Variants in IL34 observed in about 807,000 individuals in gnomAD.
The protein encoded by IL34 is interleukin-34.
A neutral mutation model predicts 25.3 loss-of-function variants in IL34; 17 were observed. The observed-to-expected ratio is 0.67, with a 90% CI of 0.46 to 1.01. IL34 has a LOEUF of 1.01. Among genes scored for constraint, IL34 ranks in the 50% least tolerant of loss-of-function variants. IL34 has a pLI of 0.00. For synonymous variants in IL34, 174 were observed against 140.9 expected, an observed-to-expected ratio of 1.23 and a Z score of -1.66; for missense variants, 368 against 312.9, an observed-to-expected ratio of 1.18 and a Z score of -1.33.
rs183907266 is a variant in IL34, at chr16:70,615,007, C to T, written c.-400-31541C>T. ...TTTCTTCCTGCTCCTGTCCCATAACCGGCCTCACCGGGTAACTGTTTATAT... is the reference window on the plus strand; with the variant it reads ...TTTCTTCCTGCTCCTGTCCCATAACTGGCCTCACCGGGTAACTGTTTATAT... On this transcript the variant is annotated intron_variant, in intron 1 of 6. Coordinates refer to the IL34 transcript ENST00000429149. Among the ~76,000 whole-genome samples the T allele has an allele frequency of 1.7e-3, 265 of 152,248 alleles. 1 individual carries two copies. The highest frequency in any genetic ancestry group is 0.014 in the South Asian group (68 of 4,814).
chr16:70,620,225 G>A (rs889259073), intron 1 of IL34, among the ~76,000 whole-genome samples: 1 of 152,058 alleles, frequency 6.6e-6, no homozygotes, highest in African/African-American at 2.4e-5. Context: ...GCTGTAAAGC[G>A]TCTCAAGGTT....
At chr16:70,613,645 G>T (rs982394386) in intron 1 of IL34, among the ~76,000 whole-genome samples, 11 of 151,682 alleles carry the variant, frequency 7.3e-5, no homozygotes, top group African/African-American at 2.4e-4. Flanking sequence ...AGGCTGCGGT[G>T]GGTGGATCAC....
chr16:70,632,830 G>A (rs181458423), intron 1 of IL34, among the ~76,000 whole-genome samples: 17 of 152,130 alleles, frequency 1.1e-4, no homozygotes, highest in Admixed American at 9.2e-4. Flanking sequence ...TTCTTTTGGG[G>A]GTTTTGTCTT....
intron 1 of IL34, among the ~76,000 whole-genome samples, chr16:70,580,703 A>C (rs143951678): frequency 0.032 from 4,778 of 150,712 alleles, 283 homozygotes; most frequent in African/African-American, 0.11. Flanking sequence ...CACACTTGAA[A>C]CCAGGAGGTG....
intron 1 of IL34, among the ~76,000 whole-genome samples, chr16:70,598,047 T>C (rs1368137268): frequency 3.9e-5 from 6 of 152,194 alleles, no homozygotes; most frequent in South Asian, 2.1e-4. Context: ...GGTTTCGCCA[T>C]GTTGGCCAGG....
At chr16:70,649,152 A>T (rs573643070) in intron 1 of IL34, among the ~76,000 whole-genome samples, 1 of 152,346 alleles carries the variant, frequency 6.6e-6, no homozygotes, top group Non-Finnish European at 1.5e-5. Context: ...TCCCTAGGAG[A>T]GAATTCAAGG....
chr16:70,648,577 G>T (rs1488644350), intron 1 of IL34, among the ~76,000 whole-genome samples: 2 of 118,696 alleles, frequency 1.7e-5, no homozygotes, highest in Admixed American at 8.4e-5. Flanking sequence ...AAAAAAAAAG[G>T]AGAAAAGAAA....
At chr16:70,623,143 G>A (rs1038168723) in intron 1 of IL34, among the ~76,000 whole-genome samples, 12 of 152,030 alleles carry the variant, frequency 7.9e-5, no homozygotes, top group African/African-American at 2.7e-4. Flanking sequence ...GAAGTAATGG[G>A]GGCTGTCTGT....
rs571695875 is a variant in IL34, at chr16:70,626,214, T to C, written c.-400-20334T>C. ...TAGTGAGATCAGTCTTTTGTGCCTTTGATATAAATTGCATTCAGTTTAGTG... is the reference window on the plus strand; with the variant it reads ...TAGTGAGATCAGTCTTTTGTGCCTTCGATATAAATTGCATTCAGTTTAGTG... On this transcript the variant is annotated intron_variant, in intron 1 of 6. Coordinates refer to the IL34 transcript ENST00000429149. 3.0e-3 allele frequency among the ~76,000 whole-genome samples: 451 copies of C among 152,358 alleles called. 1 individual carries two copies. Among genetic ancestry groups the C allele is most frequent in the South Asian group, 8.5e-3 (41 of 4,826 alleles).
intron 1 of IL34, among the ~76,000 whole-genome samples, chr16:70,627,893 T>C (rs2051431151): frequency 6.6e-6 from 1 of 152,264 alleles, no homozygotes; most frequent in African/African-American, 2.4e-5. Flanking sequence ...CCACATGCCA[T>C]GAATATTGTA....
chr16:70,609,481 A>C (rs1012911655), intron 1 of IL34, among the ~76,000 whole-genome samples: 1 of 152,062 alleles, frequency 6.6e-6, no homozygotes, highest in African/African-American at 2.4e-5. Flanking sequence ...TGTAAAATGG[A>C]GATGATGACA....
chr16:70,622,213 A>T (rs546874532), intron 1 of IL34, among the ~76,000 whole-genome samples: 1 of 152,106 alleles, frequency 6.6e-6, no homozygotes, highest in Non-Finnish European at 1.5e-5. Context: ...GCCTTCTCAG[A>T]CCCTGTAGGA....
intron 1 of IL34, among the ~76,000 whole-genome samples, chr16:70,589,282 A>G (rs559585122): frequency 2.0e-3 from 297 of 152,244 alleles, no homozygotes; most frequent in African/African-American, 6.2e-3. Context: ...TCGGGGGTAC[A>G]TGTGCAGGTT....
At chr16:70,624,685 A>G (rs1348563540) in intron 1 of IL34, among the ~76,000 whole-genome samples, 6 of 152,094 alleles carry the variant, frequency 3.9e-5, no homozygotes, top group Non-Finnish European at 7.3e-5. Context: ...CACCTTTTTA[A>G]GAATAAATTG....
chr16:70,582,008 G>A (rs1018558381), intron 1 of IL34, among the ~76,000 whole-genome samples: 1 of 152,194 alleles, frequency 6.6e-6, no homozygotes, highest in Non-Finnish European at 1.5e-5. Flanking sequence ...CTAGCATAAG[G>A]TCTGGTGCTT....
intron 1 of IL34, among the ~76,000 whole-genome samples, chr16:70,593,640 C>A (rs907619681): frequency 3.9e-5 from 6 of 152,110 alleles, no homozygotes; most frequent in African/African-American, 1.4e-4. Flanking sequence ...CCTCAGCCTC[C>A]CGAGTAGCTG....
At chr16:70,615,317 G>A (rs1299959081) in intron 1 of IL34, among the ~76,000 whole-genome samples, 1 of 151,964 alleles carries the variant, frequency 6.6e-6, no homozygotes, top group Non-Finnish European at 1.5e-5. Context: ...AACCATTCTG[G>A]CTAACATGGT....
chr16:70,606,851 G>C (rs552233957), intron 1 of IL34, among the ~76,000 whole-genome samples: 1 of 152,146 alleles, frequency 6.6e-6, no homozygotes. Flanking sequence ...GCCTCCTAAA[G>C]TGGTGGGGTT....
intron 1 of IL34, among the ~76,000 whole-genome samples, chr16:70,621,291 A>C (rs1432023197): frequency 1.3e-5 from 2 of 152,190 alleles, no homozygotes; most frequent in Non-Finnish European, 2.9e-5. Context: ...CTGCCTTCCC[A>C]GTCCGTGACT....
Sources: allele counts gnomAD v4.1 joint callset (sites outside exome capture counted in the v4.1 genomes callset), GRCh38; gene constraint gnomAD v4.1.1; transcripts MANE v1.5; gene names NCBI Gene and HGNC (gene_info 2026-07-23, HGNC 2026-07-21).